The following LRRC9 variants were observed in gnomAD, a reference collection of about 807,000 sequenced individuals.
LRRC9 encodes the protein leucine-rich repeat-containing protein 9.
LRRC9 carries 122 observed loss-of-function variants against 63.2 expected under a neutral mutation model. The ratio of observed to expected loss-of-function variants is 1.93; its 90% CI spans 1.67 to 2.24. The LOEUF is 2.24. Among genes scored for constraint, LRRC9 ranks in the 30% most tolerant of loss-of-function variants. The pLI, the probability that LRRC9 is intolerant of heterozygous loss-of-function variation, is 0.00. For missense variants in LRRC9, 1,071 were observed against 627.7 expected (o/e 1.71, Z -7.55); for synonymous variants, 366 against 213.1 (o/e 1.72, Z -6.25).
At chr14:60,007,243 C>T (rs1264872149) in intron 22 of LRRC9, among the ~76,000 whole-genome samples, 4 of 152,184 alleles carry the variant, frequency 2.6e-5, no homozygotes, top group African/African-American at 9.7e-5. Flanking sequence ...GACTTCTCCC[C>T]ATTCCGTTCC....
intron 8 of LRRC9, among the ~76,000 whole-genome samples, chr14:59,946,732 C>A (rs895603309): frequency 6.8e-6 from 1 of 147,176 alleles, no homozygotes; most frequent in Non-Finnish European, 1.5e-5. Context: ...GTTCAATTCC[C>A]ACCTATGAGT....
chr14:59,984,436 A>G (rs1021393066), intron 16 of LRRC9, among the ~76,000 whole-genome samples: 1 of 152,216 alleles, frequency 6.6e-6, no homozygotes, highest in African/African-American at 2.4e-5. Context: ...CTATACATAA[A>G]TACAGTCTTT....
chr14:59,956,206 C>T (rs1489241598), intron 8 of LRRC9, among the ~76,000 whole-genome samples: 1 of 152,062 alleles, frequency 6.6e-6, no homozygotes, highest in Non-Finnish European at 1.5e-5. Flanking sequence ...AACTTCCTGT[C>T]TTGTTGATCT....
At chr14:60,061,286 GTTGTC>G (rs1456989990) in intron 31 of LRRC9, among the ~76,000 whole-genome samples, 1 of 152,144 alleles carries the variant, frequency 6.6e-6, no homozygotes, top group Non-Finnish European at 1.5e-5. Flanking sequence ...AAACTCCATT[GTTGTC>G]TTATGTTAAG....
chr14:59,932,172 GAA>G lies in LRRC9; in HGVS notation c.543+135_543+136del. 1.8e-6 allele frequency: 1 copy of G among 569,400 alleles called. No individual in the cohort carries two copies. Among genetic ancestry groups the G allele is most frequent in the African/African-American group, 1.9e-5 (1 of 51,908 alleles). The allele number at this position is 569,400 out of a possible 1,614,324, so 35.3% of individuals were successfully genotyped here. A position where few individuals can be genotyped will look rare whatever the true frequency, so the allele number is the denominator to read the frequency against. ...TTTGGGCTGATGCTCCAGGAAATTTGAAAGTCATCTGACTACATTGGCCTTAA... is the reference window on the plus strand; with the variant it reads ...TTTGGGCTGATGCTCCAGGAAATTTGAGTCATCTGACTACATTGGCCTTAA... On this transcript the variant is annotated intron_variant, in intron 6 of 31. Transcript: ENST00000445360. The surrounding 1 kb of genome is among the most constrained non-coding windows in gnomAD (Gnocchi z 4.7).
intron 17 of LRRC9, among the ~76,000 whole-genome samples, chr14:59,989,923 C>T (rs1887882937): frequency 6.8e-6 from 1 of 146,148 alleles, no homozygotes; most frequent in Non-Finnish European, 1.5e-5. Context: ...TAGTCTAGAC[C>T]TTCCTTTTTT....
At chr14:60,037,713 G>C (rs553974688) in intron 29 of LRRC9, among the ~76,000 whole-genome samples, 3 of 152,186 alleles carry the variant, frequency 2.0e-5, no homozygotes, top group East Asian at 1.9e-4. Context: ...CCATTCTGCA[G>C]GTTGCCTGTT....
At chr14:59,925,978 T>C (rs1371599221) in intron 1 of LRRC9, among the ~76,000 whole-genome samples, 2 of 152,160 alleles carry the variant, frequency 1.3e-5, no homozygotes, top group Non-Finnish European at 1.5e-5. Flanking sequence ...ACAAGGGGCT[T>C]CCCCCTTCAC....
chr14:60,008,353 C>T (rs1327504972), intron 23 of LRRC9, 139 bp downstream of exon 23: 1 of 490,076 alleles, frequency 2.0e-6, no homozygotes. Context: ...GTCTCCAAAG[C>T]TTATTTTAGA....
rs1869163686 is a variant in LRRC9 at position 60,058,385 on chromosome 14, G to A, written c.4276+363G>A. Among the ~76,000 whole-genome samples the A allele has an allele frequency of 6.6e-6, 1 of 152,098 alleles. No homozygotes were observed. Among genetic ancestry groups the A allele is most frequent in the South Asian group, 2.1e-4 (1 of 4,832 alleles). Reference sequence around the variant, plus strand: ...TAAAACCAGTTCATTAGTGCATCCTGCTAAAAGTGGAAATCAGAGATGTAA... The same window carrying A: ...TAAAACCAGTTCATTAGTGCATCCTACTAAAAGTGGAAATCAGAGATGTAA... On this transcript the variant is annotated intron_variant, in intron 31 of 31. Coordinates refer to ENST00000445360, the Ensembl canonical transcript of LRRC9. The surrounding 1 kb of genome is among the most constrained non-coding windows in gnomAD (Gnocchi z 4.4).
At chr14:60,062,848 C>A (rs552967563) in intron 31 of LRRC9, among the ~76,000 whole-genome samples, 2 of 152,102 alleles carry the variant, frequency 1.3e-5, no homozygotes, top group Non-Finnish European at 2.9e-5. Flanking sequence ...TCTTGCTGCA[C>A]TGACTCCTCC....
chr14:59,991,856 T>A (rs1250384548), intron 17 of LRRC9, among the ~76,000 whole-genome samples: 4 of 152,196 alleles, frequency 2.6e-5, no homozygotes, highest in Non-Finnish European at 5.9e-5. Flanking sequence ...CAAGGAGGCC[T>A]GCCTGCCTCT....
chr14:59,949,223 C>T lies in LRRC9; in HGVS notation c.882+4479C>T, dbSNP rs1310240188. ...GTCTATTCAGAGATTCAACTTCTTC[C>T]TGGTTTAGTCTTGAGAGAGTGTATG... On this transcript the variant is annotated intron_variant, in intron 8 of 31. Coordinates refer to ENST00000445360, the Ensembl canonical transcript of LRRC9. Among the ~76,000 whole-genome samples the T allele has an allele frequency of 3.3e-5, 5 of 151,902 alleles. No individual in the cohort carries two copies. In the South Asian group the frequency reaches 6.2e-4, roughly 19 times the overall value.
intron 12 of LRRC9, 81 bp downstream of exon 12, chr14:59,967,294 C>T (rs1884958173): frequency 2.0e-6 from 1 of 489,884 alleles, no homozygotes; most frequent in Non-Finnish European, 3.7e-6. Flanking sequence ...ATTTCCCAAT[C>T]CTTTTATCCA....
chr14:59,927,972 A>T lies in LRRC9; in HGVS notation c.29A>T (p.Glu10Val). The change falls in exon 2 of 32, where the codon GAA becomes GTA. Residue 10 changes from glutamate to valine, a missense_variant. By Grantham distance (121) the Glu-to-Val change is moderately radical. Transcript: ENST00000445360. The surrounding 1 kb of genome is among the most constrained non-coding windows in gnomAD (Gnocchi z 4.4). Reference sequence around the variant, plus strand: ...ATTGAAAGTGAAAACCTAAACCAAGAAGAAATAATTAAAGAACTGGTGAGT... The same window carrying T: ...ATTGAAAGTGAAAACCTAAACCAAGTAGAAATAATTAAAGAACTGGTGAGT... 3 of 686,208 alleles carry T rather than the reference A, an allele frequency of 4.4e-6. No individual in the cohort carries two copies. Among genetic ancestry groups the T allele is most frequent in the Non-Finnish European group, 7.9e-6 (3 of 377,904 alleles). The allele number at this position is 686,208 out of a possible 1,614,324, so 42.5% of individuals were successfully genotyped here.
chr14:59,959,833 G>A (rs200385264), exon 9 of LRRC9: 2 of 634,388 alleles, frequency 3.2e-6, no homozygotes, highest in African/African-American at 1.8e-5. Flanking sequence ...ACGAGAACTG[G>A]CTGAACTCAA....
At chr14:60,044,690 T>A (rs192932197) in intron 29 of LRRC9, among the ~76,000 whole-genome samples, 98 of 152,306 alleles carry the variant, frequency 6.4e-4, no homozygotes, top group African/African-American at 2.1e-3. Context: ...TGTACAAACA[T>A]GTTTTGTAGC....
intron 8 of LRRC9, among the ~76,000 whole-genome samples, chr14:59,953,757 T>C (rs1253234304): frequency 3.3e-5 from 5 of 152,208 alleles, no homozygotes; most frequent in African/African-American, 7.2e-5. Context: ...CTGCATGGTA[T>C]TGCCTAGGTT....
chr14:60,064,537 T>C (rs953956280), downstream of LRRC9, among the ~76,000 whole-genome samples: 1 of 152,222 alleles, frequency 6.6e-6, no homozygotes, highest in Non-Finnish European at 1.5e-5. Context: ...GCTGTATGTC[T>C]TTACTTTAAT....
Sources: allele counts gnomAD v4.1 joint callset (sites outside exome capture counted in the v4.1 genomes callset), GRCh38; gene constraint gnomAD v4.1.1; non-coding constraint Gnocchi (gnomAD v3.1); transcripts MANE v1.5; gene names NCBI Gene and HGNC (gene_info 2026-07-23, HGNC 2026-07-21).